The following WASF3 variants were observed in gnomAD, a reference collection of about 807,000 sequenced individuals.
WASF3 encodes WASP family member 3.
In WASF3, 11 loss-of-function variants were observed where a neutral mutation model predicts 46.6. The observed-to-expected ratio is 0.24, with a 90% CI of 0.15 to 0.39. WASF3 has a LOEUF of 0.39. Ranked by LOEUF, WASF3 falls within the 10% of genes least tolerant of loss-of-function variation. The pLI is 1.00. For synonymous variants in WASF3, 242 were observed against 259.7 expected, an observed-to-expected ratio of 0.93 and a Z score of 0.65; for missense variants, 576 against 669.8, an observed-to-expected ratio of 0.86 and a Z score of 1.55.
chr13:26,566,336 A>G (rs1313899123), intron 1 of WASF3, among the ~76,000 whole-genome samples: 1 of 151,732 alleles, frequency 6.6e-6, no homozygotes, highest in East Asian at 1.9e-4. Flanking sequence ...CATTAAATGA[A>G]TGTCTGGATT....
intron 3 of WASF3, among the ~76,000 whole-genome samples, chr13:26,658,429 G>A (rs898716958): frequency 6.6e-6 from 1 of 152,144 alleles, no homozygotes; most frequent in Non-Finnish European, 1.5e-5. Flanking sequence ...CAGTAGTTCT[G>A]AAAGATGTTA....
At chr13:26,637,663 G>T (rs2137275366) in intron 2 of WASF3, among the ~76,000 whole-genome samples, 1 of 152,314 alleles carries the variant, frequency 6.6e-6, no homozygotes, top group South Asian at 2.1e-4. Flanking sequence ...TGCTTTTCTG[G>T]AATTTTTCCA....
chr13:26,573,841 C>G (rs1879709723), intron 1 of WASF3, among the ~76,000 whole-genome samples: 1 of 152,180 alleles, frequency 6.6e-6, no homozygotes. Context: ...CACCCCTCTC[C>G]AAAGGTAACC....
At chr13:26,578,741 G>A (rs1331457633) in intron 1 of WASF3, among the ~76,000 whole-genome samples, 1 of 152,040 alleles carries the variant, frequency 6.6e-6, no homozygotes, top group African/African-American at 2.4e-5. Flanking sequence ...GGACCTATGA[G>A]TAATAAACTT....
chr13:26,544,834 T>C, the WASF3 span, among the ~76,000 whole-genome samples: 1 of 152,244 alleles, frequency 6.6e-6, no homozygotes, highest in Admixed American at 6.5e-5. Flanking sequence ...GTTCCCACCA[T>C]ACTGTGGACA....
At chr13:26,545,633 C>T in the WASF3 span, among the ~76,000 whole-genome samples, 1 of 152,124 alleles carries the variant, frequency 6.6e-6, no homozygotes, top group Non-Finnish European at 1.5e-5. Context: ...AGAGACATGG[C>T]TTCACACTGT....
rs371623823 is a variant in WASF3, at chr13:26,681,255, C to T, written c.918C>T (p.Pro306=). The change falls in exon 8 of 10, where the codon CCC becomes CCT. Residue 306 remains proline, a synonymous_variant. Coordinates refer to ENST00000335327, the MANE Select transcript of WASF3 (RefSeq NM_006646.6). ...MALNRPQQPP[P]PPPPQAPEGS... is the part of the protein sequence containing the mutation. Reference sequence around the variant, plus strand: ...TCAACAGACCTCAGCAGCCGCCCCCCCCGCCTCCCCCTCAGGCCCCAGAGG... The same window carrying T: ...TCAACAGACCTCAGCAGCCGCCCCCTCCGCCTCCCCCTCAGGCCCCAGAGG... The T allele has an allele frequency of 2.1e-5, 34 of 1,613,224 alleles. No homozygotes were observed. The highest frequency in any genetic ancestry group is 6.7e-5 in the East Asian group (3 of 44,878).
intron 1 of WASF3, among the ~76,000 whole-genome samples, chr13:26,563,500 C>G (rs1879365281): frequency 6.6e-6 from 1 of 151,778 alleles, no homozygotes; most frequent in Non-Finnish European, 1.5e-5. Context: ...ACTAAAAATA[C>G]AAAAATTAGC....
chr13:26,652,476 T>A (rs1882341566), intron 3 of WASF3, among the ~76,000 whole-genome samples: 1 of 152,194 alleles, frequency 6.6e-6, no homozygotes, highest in Admixed American at 6.5e-5. Flanking sequence ...AGAAAATGTG[T>A]AAGGATATAG....
At chr13:26,543,884 G>T in the WASF3 span, among the ~76,000 whole-genome samples, 2,097 of 152,252 alleles carry the variant, frequency 0.014, 55 homozygotes, top group African/African-American at 0.047. Context: ...ATTAGCTGTA[G>T]CCATATTTAA....
At chr13:26,681,592 A>G (rs1883233565) in intron 8 of WASF3, among the ~76,000 whole-genome samples, 1 of 152,148 alleles carries the variant, frequency 6.6e-6, no homozygotes, top group African/African-American at 2.4e-5. Context: ...AAGCCAAGGC[A>G]TTGATAAAGG....
At chr13:26,652,972 T>G (rs887668071) in intron 3 of WASF3, among the ~76,000 whole-genome samples, 3 of 152,226 alleles carry the variant, frequency 2.0e-5, no homozygotes, top group African/African-American at 7.2e-5. Flanking sequence ...ATTTTTGTGC[T>G]CTTAGTTGCC....
intron 1 of WASF3, among the ~76,000 whole-genome samples, chr13:26,560,988 G>A (rs1879277115): frequency 6.6e-6 from 1 of 152,152 alleles, no homozygotes. Flanking sequence ...CGAAGTCTGG[G>A]TTGAGGAGAG....
chr13:26,670,569 T>C (rs1157873129), intron 5 of WASF3, among the ~76,000 whole-genome samples: 1 of 152,222 alleles, frequency 6.6e-6, no homozygotes, highest in Non-Finnish European at 1.5e-5. Context: ...CCCGCCTTCA[T>C]GAAGGTACTG....
chr13:26,682,488 T>C lies in WASF3; in HGVS notation c.984-119T>C. On this transcript the variant is annotated intron_variant, in intron 8 of 9. Transcript: ENST00000335327. This position sits in a 1 kb window ranked among gnomAD's most constrained non-coding sequence, Gnocchi z 4.4. ...GTGCATGTTTGCATCCTGCCATGAT[T>C]GAAGTTCAGGTGACAATACGTGTTG... 1.7e-6 allele frequency: 2 copies of C among 1,196,138 alleles called. No individual in the cohort carries two copies. Among genetic ancestry groups the C allele is most frequent in the South Asian group, 2.6e-5 (2 of 75,504 alleles). The allele number at this position is 1,196,138 out of a possible 1,614,324, so 74.1% of individuals were successfully genotyped here. A position where few individuals can be genotyped will look rare whatever the true frequency, so the allele number is the denominator to read the frequency against.
chr13:26,673,888 AAGG>A (rs775028654), intron 6 of WASF3, among the ~76,000 whole-genome samples: 5 of 152,122 alleles, frequency 3.3e-5, no homozygotes, highest in Non-Finnish European at 5.9e-5. Context: ...AGACCTCTCT[AAGG>A]AGGTGTCATG....
the WASF3 span, among the ~76,000 whole-genome samples, chr13:26,541,577 C>T: frequency 6.6e-6 from 1 of 152,148 alleles, no homozygotes; most frequent in Non-Finnish European, 1.5e-5. Context: ...GTAGAGAACA[C>T]ACCTGGCCCT....
intron 1 of WASF3, among the ~76,000 whole-genome samples, chr13:26,591,514 G>C (rs149703244): frequency 4.5e-4 from 69 of 152,232 alleles, no homozygotes; most frequent in African/African-American, 1.6e-3. Context: ...AGGATGCCCA[G>C]GGTTTTTGAC....
chr13:26,560,201 A>C (rs1019351353), intron 1 of WASF3, among the ~76,000 whole-genome samples: 1 of 152,062 alleles, frequency 6.6e-6, no homozygotes, highest in African/African-American at 2.4e-5. Context: ...GCTCTTGGGC[A>C]TGTGGAACTA....
Sources: gnomAD v4.1 joint callset for allele counts (sites outside exome capture counted in the v4.1 genomes callset) on GRCh38, gnomAD v4.1.1 for gene constraint, Gnocchi (gnomAD v3.1) non-coding constraint, MANE v1.5 for transcripts, NCBI Gene and HGNC (gene_info 2026-07-23, HGNC 2026-07-21) for gene names.